The following FREM1 variants were observed in gnomAD, a reference collection of about 807,000 sequenced individuals.
FREM1 encodes the protein FRAS1-related extracellular matrix protein 1.
In FREM1, 220 loss-of-function variants were observed where a neutral mutation model predicts 210.1. The observed-to-expected ratio is 1.05, with a 90% CI of 0.94 to 1.17. The LOEUF (loss-of-function observed/expected upper bound fraction) is 1.17. Ranked by LOEUF, FREM1 falls within the 50% of genes most tolerant of loss-of-function variation. The probability of loss-of-function intolerance (pLI) is 0.00; values close to 1 mark genes in which losing one functional copy is unlikely to be tolerated. For missense variants in FREM1, 3,454 were observed against 2,675.5 expected (o/e 1.29, Z -6.42); for synonymous variants, 1,189 against 980.2 (o/e 1.21, Z -3.98).
At chr9:14,779,413 A>G in intron 24 of FREM1, 1 of 799,354 alleles carries the variant, frequency 1.3e-6, no homozygotes, top group Non-Finnish European at 1.5e-6. Flanking sequence ...AAGGAAGAAG[A>G]AAGAAGGGGA....
intron 2 of FREM1, among the ~76,000 whole-genome samples, chr9:14,864,835 C>G (rs1831221740): frequency 6.6e-6 from 1 of 152,206 alleles, no homozygotes; most frequent in African/African-American, 2.4e-5. Flanking sequence ...ACCACTAATA[C>G]AAACGATTTT....
intron 16 of FREM1, among the ~76,000 whole-genome samples, chr9:14,808,390 G>C (rs910986896): frequency 6.6e-6 from 1 of 152,172 alleles, no homozygotes; most frequent in Non-Finnish European, 1.5e-5. Flanking sequence ...ACAAAACTGG[G>C]CCAACAAGGG....
rs114403959 is a variant in FREM1, at chr9:14,845,138, A to C, written c.1393+822T>G. Reference sequence around the variant, plus strand: ...TAAATCCTCTGAGTTCATTATAAGGAATGACTTATTTTATCATAAAGTGTA... The same window carrying C: ...TAAATCCTCTGAGTTCATTATAAGGCATGACTTATTTTATCATAAAGTGTA... On this transcript the variant is annotated intron_variant, in intron 8 of 36. Coordinates refer to ENST00000380880, the MANE Select transcript of FREM1 (RefSeq NM_001379081.2). Among the ~76,000 whole-genome samples, 358 of 152,334 alleles carry C rather than the reference A, an allele frequency of 2.4e-3. 3 individuals are homozygous for C. The highest frequency in any genetic ancestry group is 8.2e-3 in the African/African-American group (340 of 41,572).
rs1273074638 is a variant in FREM1 at position 14,775,953 on chromosome 9, G to A, written c.4693C>T (p.His1565Tyr). Residue 1565 changes from histidine to tyrosine, a missense_variant, in exon 25 of 37, where the codon CAC becomes TAC. Coordinates refer to ENST00000380880, the MANE Select transcript of FREM1 (RefSeq NM_001379081.2). ...TCCACATCCTGCTGGGTGAAATTGT[G>A]TTGAAGTAGCCCTGTCCCCCACAGG... ...LYLWGTGLLQ[H>Y]NFTQQDVDSK... 2 of 1,613,900 alleles carry A rather than the reference G, an allele frequency of 1.2e-6. No homozygotes were observed. Among genetic ancestry groups the A allele is most frequent in the African/African-American group, 2.7e-5 (2 of 74,940 alleles).
At position 14,859,409 on chromosome 9, in the gene FREM1, G is replaced by A. The variant is rs368095399; in HGVS notation, c.405C>T (p.Ile135=). Residue 135 remains isoleucine (I), a synonymous_variant, in exon 4 of 37, where the codon ATC becomes ATT. Coordinates refer to ENST00000380880, the MANE Select transcript of FREM1 (RefSeq NM_001379081.2). Reference sequence around the variant, plus strand: ...CCTCCAGCACATTGTTACTCATATGGATGATGTTACAGTCTGGTTCCAGGA... The same window carrying A: ...CCTCCAGCACATTGTTACTCATATGAATGATGTTACAGTCTGGTTCCAGGA... ...VYLLEPDCNI[I]HMSNNVLEVP... 2 of 1,613,558 alleles carry A rather than the reference G, an allele frequency of 1.2e-6. No individual in the cohort carries two copies. Among genetic ancestry groups the A allele is most frequent in the African/African-American group, 2.7e-5 (2 of 74,912 alleles).
At chr9:14,899,355 A>C (rs887802876) in intron 1 of FREM1, among the ~76,000 whole-genome samples, 2 of 152,214 alleles carry the variant, frequency 1.3e-5, no homozygotes, top group Non-Finnish European at 2.9e-5. Context: ...AGAAAAGCCA[A>C]ACTTGATCTG....
chr9:14,792,272 G>GCACGCA (rs1554665386), intron 22 of FREM1, among the ~76,000 whole-genome samples: 42 of 142,244 alleles, frequency 3.0e-4, no homozygotes, highest in African/African-American at 1.1e-3. Context: ...ACACACACAC[G>GCACGCA]CACACACACA....
intron 1 of FREM1, among the ~76,000 whole-genome samples, chr9:14,900,352 T>C (rs1289116138): frequency 6.6e-6 from 1 of 152,248 alleles, no homozygotes; most frequent in Non-Finnish European, 1.5e-5. Flanking sequence ...ACTGCATTAA[T>C]AACTGCATTT....
In FREM1 at chr9:14,872,942, T is replaced by A. The variant is rs1479881039; in HGVS notation, c.-267-3698A>T. Among the ~76,000 whole-genome samples, 199 of 150,524 alleles carry A rather than the reference T, an allele frequency of 1.3e-3. 1 individual carries two copies. Among genetic ancestry groups the A allele is most frequent in the African/African-American group, 4.6e-3 (192 of 41,382 alleles). On this transcript the variant is annotated intron_variant, in intron 1 of 36. Coordinates refer to ENST00000380880, the MANE Select transcript of FREM1 (RefSeq NM_001379081.2). ...TTGAGATAATCATGTGGTTTTTGTC[T>A]TTGGTTCTGTTTATATGCTGGATTA...
chr9:14,887,440 G>C lies in FREM1; in HGVS notation c.-267-18196C>G, dbSNP rs145502987. Among the ~76,000 whole-genome samples, 551 of 152,258 alleles carry C rather than the reference G, an allele frequency of 3.6e-3. 5 individuals are homozygous for C. Among genetic ancestry groups the C allele is most frequent in the African/African-American group, 0.013 (530 of 41,550 alleles). On this transcript the variant is annotated intron_variant, in intron 1 of 36. Coordinates refer to ENST00000380880, the MANE Select transcript of FREM1 (RefSeq NM_001379081.2). ...TTTGGTGGGCCCATACTACAAAGCA[G>C]CACTGGGAAGACACAACTGTAAAGC...
At chr9:14,905,084 C>T (rs535169991) in intron 1 of FREM1, among the ~76,000 whole-genome samples, 47 of 152,018 alleles carry the variant, frequency 3.1e-4, no homozygotes, top group Non-Finnish European at 6.6e-4. Flanking sequence ...TGTCATTATT[C>T]GCAGCCATTA....
intron 21 of FREM1, among the ~76,000 whole-genome samples, chr9:14,795,003 A>C (rs1418227012): frequency 1.3e-5 from 2 of 151,302 alleles, no homozygotes; most frequent in East Asian, 3.9e-4. Context: ...CTCTCAAAAA[A>C]AAAAAAAAAA....
intron 27 of FREM1, among the ~76,000 whole-genome samples, chr9:14,769,355 GCTA>G (rs1379303273): frequency 6.6e-6 from 1 of 152,120 alleles, no homozygotes; most frequent in African/African-American, 2.4e-5. Flanking sequence ...GGCTATAGTT[GCTA>G]ACACGGTCCT....
At chr9:14,797,068 C>T (rs548518551) in intron 21 of FREM1, among the ~76,000 whole-genome samples, 14 of 152,178 alleles carry the variant, frequency 9.2e-5, no homozygotes, top group Admixed American at 8.5e-4. Flanking sequence ...TATTTCCCTC[C>T]GCCACGCTTA....
At chr9:14,755,756 C>T (rs937775815) in intron 29 of FREM1, among the ~76,000 whole-genome samples, 1 of 152,214 alleles carries the variant, frequency 6.6e-6, no homozygotes, top group Non-Finnish European at 1.5e-5. Context: ...TGAACAACAG[C>T]TCATCTTTTG....
chr9:14,848,103 G>A (rs905091940), intron 7 of FREM1, among the ~76,000 whole-genome samples: 2 of 152,132 alleles, frequency 1.3e-5, no homozygotes, highest in Admixed American at 6.5e-5. Flanking sequence ...GTTTCAAATG[G>A]TATTGATGGG....
At chr9:14,828,639 G>GGT (rs1491273112) in intron 10 of FREM1, among the ~76,000 whole-genome samples, 1 of 104,848 alleles carries the variant, frequency 9.5e-6, no homozygotes, top group African/African-American at 4.2e-5. Context: ...AAATTGTGGC[G>GGT]GGGCGGGGGA....
At chr9:14,762,203 G>T (rs572748841) in intron 27 of FREM1, among the ~76,000 whole-genome samples, 20 of 152,226 alleles carry the variant, frequency 1.3e-4, no homozygotes, top group African/African-American at 4.1e-4. Flanking sequence ...GAAAAAAAAA[G>T]TCAGCAAGAT....
intron 4 of FREM1, 144 bp from the exon 5 acceptor site, chr9:14,857,893 G>T: frequency 1.9e-6 from 1 of 527,346 alleles, no homozygotes. Flanking sequence ...CACTGAGTGG[G>T]TTGTCATTAT....
Sources: gnomAD v4.1 joint callset for allele counts (sites outside exome capture counted in the v4.1 genomes callset) on GRCh38, gnomAD v4.1.1 for gene constraint, MANE v1.5 for transcripts, NCBI Gene and HGNC (gene_info 2026-07-23, HGNC 2026-07-21) for gene names.